ANO5: variants seen among roughly 807,000 people sequenced by gnomAD.
ANO5 encodes anoctamin 5.
ANO5 carries 109 observed loss-of-function variants against 121.0 expected under a neutral mutation model. The ratio of observed to expected loss-of-function variants is 0.90; its 90% confidence interval spans 0.77 to 1.06. ANO5 has a LOEUF of 1.06. Ranked by LOEUF, ANO5 falls within the 50% of genes least tolerant of loss-of-function variation. ANO5 has a pLI of 0.00. For synonymous variants in ANO5, 406 were observed against 359.9 expected (o/e 1.13, Z -1.45); for missense variants, 1,064 against 1,078.5 (o/e 0.99, Z 0.19).
intron 1 of ANO5, among the ~76,000 whole-genome samples, chr11:22,196,618 C>T (rs1490311814): frequency 6.6e-6 from 1 of 151,574 alleles, no homozygotes; most frequent in Admixed American, 6.6e-5. Context: ...CGCCTGTAAT[C>T]CCAGCACTCT....
Position 22,193,321 on chromosome 11 carries a change from G to GGAGGAGGAGAAGGAGGAGGGGAAT in ANO5, c.-156_-155insAGGGGAATGAGGAGGAGAAGGAGG. 9.4e-6 allele frequency: 3 copies of GGAGGAGGAGAAGGAGGAGGGGAAT among 320,378 alleles called. No homozygotes were observed. The South Asian group carries it at 1.4e-4, about 15-fold the overall frequency. 19.8% of individuals were successfully genotyped at this position (320,378 alleles called of 1,614,324 possible). A position where few individuals can be genotyped will look rare whatever the true frequency, so the allele number is the denominator to read the frequency against. On this transcript the variant is annotated 5_prime_UTR_variant, in exon 1 of 22. The change creates a new upstream start codon in the 5' untranslated region. Coordinates refer to ENST00000324559, the MANE Select transcript of ANO5 (RefSeq NM_213599.3). ...GGCGCCCAGAGACGGTGGAGTCCGA[G>GGAGGAGGAGAAGGAGGAGGGGAAT]GAGGAGGAGAAGGAGGCCTGCAGAA...
rs192617913 is a variant in ANO5, at chr11:22,267,205, T to C, written c.1899-3107T>C. ...AAACACACACACATACACAAAGATA[T>C]TCTCATATACTTACTTCTAAATTTT... On this transcript the variant is annotated intron_variant, in intron 17 of 21. Transcript: ENST00000324559. Among the ~76,000 whole-genome samples the C allele has an allele frequency of 2.1e-3, 315 of 152,102 alleles. 4 individuals carry two copies. Among genetic ancestry groups the C allele is most frequent in the Non-Finnish European group, 2.9e-4 (20 of 67,942 alleles).
In ANO5 at chr11:22,236,203, A is replaced by G. The variant is rs139259793; in HGVS notation, c.689A>G (p.Asp230Gly). 3.7e-5 allele frequency: 60 copies of G among 1,613,388 alleles called. No homozygotes were observed. The African/African-American group carries it at 5.9e-4, about 16-fold the overall frequency. ...TCAAGATGTCCTTTTGGCATAGAAG[A>G]TGGGAAGAAAAGGTTTGGGATTGAA... ...ILSRCPFGIE[D>G]GKKRFGIERL... The change falls in exon 8 of 22, where the codon GAT becomes GGT. Residue 230 changes from aspartate to glycine, a missense_variant. Physicochemically the swap from Asp to Gly is moderately conservative, Grantham distance 94. Coordinates refer to ENST00000324559, the MANE Select transcript of ANO5 (RefSeq NM_213599.3).
chr11:22,219,512 A>G (rs1454813670), intron 4 of ANO5, among the ~76,000 whole-genome samples: 3 of 151,954 alleles, frequency 2.0e-5, no homozygotes, highest in Admixed American at 6.6e-5. Flanking sequence ...CCCCTCTATC[A>G]TACAAAATAT....
chr11:22,235,794 A>G (rs962987184), intron 7 of ANO5, among the ~76,000 whole-genome samples: 1 of 152,184 alleles, frequency 6.6e-6, no homozygotes, highest in Admixed American at 6.6e-5. Context: ...ATAAATATCA[A>G]TTCTACTCCA....
intron 1 of ANO5, 39 bp downstream of exon 1, chr11:22,193,571 T>A (rs1851718447): frequency 6.2e-7 from 1 of 1,603,764 alleles, no homozygotes; most frequent in African/African-American, 1.3e-5. Flanking sequence ...AGAGCCAGGC[T>A]GGCTGCCTGC....
At chr11:22,276,336 A>G in intron 21 of ANO5, 137 bp downstream of exon 21, 1 of 737,970 alleles carries the variant, frequency 1.4e-6, no homozygotes, top group Non-Finnish European at 2.4e-6. Flanking sequence ...GTAGTCATAA[A>G]AAGCACCTTA....
chr11:22,207,866 A>G (rs1852164710), intron 2 of ANO5, among the ~76,000 whole-genome samples: 1 of 152,074 alleles, frequency 6.6e-6, no homozygotes, highest in Non-Finnish European at 1.5e-5. Context: ...GAAAGTGGGC[A>G]AAATACATAT....
At chr11:22,256,678 A>G (rs1854008717) in intron 13 of ANO5, among the ~76,000 whole-genome samples, 1 of 152,192 alleles carries the variant, frequency 6.6e-6, no homozygotes, top group African/African-American at 2.4e-5. Context: ...TTCACTGTGA[A>G]TTGTTGGCTT....
rs1855099855 is a variant in ANO5 at position 22,282,036 on chromosome 11, C to A, written c.*2271C>A. ...AAACCATGCTAACCAAAATCAGTAGCCAAACCAATTCAGATAGATGTGTCT... is the reference window on the plus strand; with the variant it reads ...AAACCATGCTAACCAAAATCAGTAGACAAACCAATTCAGATAGATGTGTCT... On this transcript the variant is annotated 3_prime_UTR_variant, in exon 22 of 22. Transcript: ENST00000324559. 6.6e-6 allele frequency: 1 copy of A among 152,168 alleles called. No homozygotes were observed. Among genetic ancestry groups the A allele is most frequent in the East Asian group, 1.9e-4 (1 of 5,182 alleles). 9.4% of individuals were successfully genotyped at this position (152,168 alleles called of 1,614,324 possible). A position where few individuals can be genotyped will look rare whatever the true frequency, so the allele number is the denominator to read the frequency against.
intron 5 of ANO5, among the ~76,000 whole-genome samples, chr11:22,222,894 T>C (rs1302840554): frequency 6.6e-6 from 1 of 152,036 alleles, no homozygotes; most frequent in African/African-American, 2.4e-5. Context: ...GACTGTTTTA[T>C]AATGCTTTTT....
At chr11:22,278,054 T>C (rs976218214) in intron 21 of ANO5, 1 of 151,744 alleles carries the variant, frequency 6.6e-6, no homozygotes, top group African/African-American at 2.4e-5. Flanking sequence ...TAATCAACTT[T>C]ATTTTGGTAT....
intron 7 of ANO5, among the ~76,000 whole-genome samples, 159 bp downstream of exon 7, chr11:22,227,745 C>T (rs558412679): frequency 5.3e-5 from 8 of 152,060 alleles, no homozygotes; most frequent in Admixed American, 2.0e-4. Context: ...CTAATTAGAC[C>T]ACATAAACGT....
At chr11:22,216,522 G>A (rs1036651559) in intron 3 of ANO5, among the ~76,000 whole-genome samples, 1 of 151,544 alleles carries the variant, frequency 6.6e-6, no homozygotes, top group Non-Finnish European at 1.5e-5. Context: ...AATCTTTTCT[G>A]CATTTTAAAA....
At chr11:22,235,531 A>C (rs972265484) in intron 7 of ANO5, among the ~76,000 whole-genome samples, 7 of 152,132 alleles carry the variant, frequency 4.6e-5, no homozygotes, top group African/African-American at 1.7e-4. Context: ...TGCTGAAAAA[A>C]ACAAATTTAG....
intron 21 of ANO5, 121 bp downstream of exon 21, chr11:22,276,320 G>A: frequency 1.2e-6 from 1 of 816,528 alleles, no homozygotes; most frequent in South Asian, 1.5e-5. Flanking sequence ...AGGAAGTATT[G>A]TATTTGTAGT....
At chr11:22,226,211 G>A (rs1447791899) in intron 6 of ANO5, among the ~76,000 whole-genome samples, 159 bp downstream of exon 6, 1 of 152,072 alleles carries the variant, frequency 6.6e-6, no homozygotes, top group Non-Finnish European at 1.5e-5. Context: ...GGTCTTACAG[G>A]TAAGTAGATG....
At chr11:22,201,560 C>G (rs971208805) in intron 1 of ANO5, among the ~76,000 whole-genome samples, 2 of 152,024 alleles carry the variant, frequency 1.3e-5, no homozygotes, top group Admixed American at 1.3e-4. Flanking sequence ...TAACAGAATA[C>G]TACAGACTGG....
chr11:22,273,035 G>A, intron 19 of ANO5, 46 bp downstream of exon 19: 1 of 1,548,700 alleles, frequency 6.5e-7, no homozygotes, highest in East Asian at 2.2e-5. Flanking sequence ...TTCATTTTGG[G>A]GGGTGTGGGG....
Sources: allele counts gnomAD v4.1 joint callset (sites outside exome capture counted in the v4.1 genomes callset), GRCh38; gene constraint gnomAD v4.1.1; transcripts MANE v1.5; gene names NCBI Gene and HGNC (gene_info 2026-07-23, HGNC 2026-07-21).